EBF3: variants seen among roughly 807,000 people sequenced by gnomAD.
EBF3 encodes EBF transcription factor 3, also known as transcription factor COE3.
Under a neutral mutation model 77.1 loss-of-function variants are expected in EBF3, and 18 were observed. The observed-to-expected ratio is 0.23, with a 90% CI of 0.16 to 0.35. EBF3 has a LOEUF of 0.35. Among genes scored for constraint, EBF3 ranks in the 10% least tolerant of loss-of-function variants. The pLI is 1.00. For missense variants in EBF3, 558 were observed against 860.0 expected, an observed-to-expected ratio of 0.65 and a Z score of 4.39; for synonymous variants, 350 against 343.5, an observed-to-expected ratio of 1.02 and a Z score of -0.21.
chr10:129,838,364 G>A (rs1217343886), intron 16 of EBF3, among the ~76,000 whole-genome samples: 11 of 152,236 alleles, frequency 7.2e-5, no homozygotes, highest in Non-Finnish European at 1.3e-4. Flanking sequence ...CTCCCGTGAC[G>A]CCAGTCAAGG....
At chr10:129,927,392 C>A (rs553211177) in intron 6 of EBF3, among the ~76,000 whole-genome samples, 4 of 152,322 alleles carry the variant, frequency 2.6e-5, no homozygotes, top group Non-Finnish European at 5.9e-5. Context: ...GATCTATATA[C>A]CATCTTCATG....
At chr10:129,957,808 A>G (rs981115591) in intron 5 of EBF3, among the ~76,000 whole-genome samples, 1 of 152,210 alleles carries the variant, frequency 6.6e-6, no homozygotes, top group African/African-American at 2.4e-5. Context: ...ACAAACTTCT[A>G]TTGTTCCTTC....
rs1196523691 is a variant in EBF3, at chr10:129,938,722, T to C, written c.554+18536A>G. On this transcript the variant is annotated intron_variant, in intron 6 of 16. Transcript: ENST00000440978. This position sits in a 1 kb window ranked among gnomAD's most constrained non-coding sequence, Gnocchi z 5.1. Reference sequence around the variant, plus strand: ...AACCGACGAGCACTGCCTTGTGTCCTGGGACCTGGCCTGTGCTCCAAGCAA... The same window carrying C: ...AACCGACGAGCACTGCCTTGTGTCCCGGGACCTGGCCTGTGCTCCAAGCAA... Among the ~76,000 whole-genome samples, 1 of 152,188 alleles carries C rather than the reference T, an allele frequency of 6.6e-6. No individual in the cohort carries two copies. The highest frequency in any genetic ancestry group is 1.5e-5 in the Non-Finnish European group (1 of 68,032).
At chr10:129,924,937 G>T (rs987425316) in intron 6 of EBF3, among the ~76,000 whole-genome samples, 1 of 152,182 alleles carries the variant, frequency 6.6e-6, no homozygotes, top group African/African-American at 2.4e-5. Context: ...GCGCCGAGAT[G>T]ACAGGCATGA....
At position 129,878,839 on chromosome 10, in the gene EBF3, A is replaced by AAAAG. The variant is rs542269217; in HGVS notation, c.555-991_555-990insCTTT. Among the ~76,000 whole-genome samples the AAAAG allele has an allele frequency of 3.5e-4, 52 of 146,936 alleles. 2 individuals carry two copies. In the Middle Eastern group the frequency reaches 0.015, roughly 42 times the overall value. On this transcript the variant is annotated intron_variant, in intron 6 of 16. Coordinates refer to ENST00000440978, the MANE Select transcript of EBF3 (RefSeq NM_001375380.1). ...AATCGGTCTCAAAAAAAAAAAAAAAAAAAAAAATCTAAGAACTGATTGGGA... is the reference window on the plus strand; with the variant it reads ...AATCGGTCTCAAAAAAAAAAAAAAAAAAAGAAAAAAATCTAAGAACTGATTGGGA...
intron 8 of EBF3, among the ~76,000 whole-genome samples, chr10:129,868,329 G>T (rs923727892): frequency 6.6e-6 from 1 of 152,140 alleles, no homozygotes; most frequent in Admixed American, 6.5e-5. Context: ...GCAGCTAATT[G>T]GGTTGGGTTT....
chr10:129,893,885 G>C (rs1854188294), intron 6 of EBF3, among the ~76,000 whole-genome samples: 1 of 152,222 alleles, frequency 6.6e-6, no homozygotes, highest in Non-Finnish European at 1.5e-5. Flanking sequence ...AGACCTGCTG[G>C]CTTCCCTGGT....
At chr10:129,849,132 C>G (rs1220068654) in intron 10 of EBF3, among the ~76,000 whole-genome samples, 1 of 152,208 alleles carries the variant, frequency 6.6e-6, no homozygotes, top group Non-Finnish European at 1.5e-5. Flanking sequence ...AAATCAGCGG[C>G]ACATGCGCTG....
At chr10:129,888,499 T>C (rs924081060) in intron 6 of EBF3, among the ~76,000 whole-genome samples, 3 of 152,262 alleles carry the variant, frequency 2.0e-5, no homozygotes, top group Non-Finnish European at 4.4e-5. Flanking sequence ...CACTGGTGAA[T>C]GGCCATTGTG....
chr10:129,918,303 C>T (rs577652369), intron 6 of EBF3, among the ~76,000 whole-genome samples: 2 of 152,360 alleles, frequency 1.3e-5, no homozygotes, highest in South Asian at 4.1e-4. Flanking sequence ...CAAGACCCCA[C>T]TTCTGTCTCA....
In EBF3 at chr10:129,904,106, G is replaced by T. The variant is rs537043756; in HGVS notation, c.555-26257C>A. ...AGGCAGTTTCCTTTTTTCCTACTTT[G>T]GAATTCATGCCCTTCCACCTAGAAT... On this transcript the variant is annotated intron_variant, in intron 6 of 16. Transcript: ENST00000440978. Among the ~76,000 whole-genome samples the T allele has an allele frequency of 9.2e-5, 14 of 152,196 alleles. No homozygotes were observed. In the East Asian group the frequency reaches 2.7e-3, roughly 29 times the overall value.
intron 6 of EBF3, among the ~76,000 whole-genome samples, chr10:129,939,511 G>C (rs1424945303): frequency 6.6e-6 from 1 of 152,046 alleles, no homozygotes; most frequent in East Asian, 1.9e-4. Context: ...TGGGGTTTTT[G>C]TTTTTGTTTT....
At chr10:129,876,885 A>ACCCCCCCCCCCCC (rs10573399) in intron 7 of EBF3, among the ~76,000 whole-genome samples, 1,379 of 42,440 alleles carry the variant, frequency 0.032, 46 homozygotes, top group Non-Finnish European at 0.04. Flanking sequence ...TCATCCCTGA[A>ACCCCCCCCCCCCC]CCCCCCCCCC....
intron 6 of EBF3, among the ~76,000 whole-genome samples, chr10:129,919,079 C>T (rs1011559378): frequency 6.6e-6 from 1 of 152,162 alleles, no homozygotes; most frequent in East Asian, 1.9e-4. Context: ...TCTCTGTCCC[C>T]GAGGTGCTTG....
chr10:129,898,776 TC>T (rs1304759143), intron 6 of EBF3, among the ~76,000 whole-genome samples: 1 of 152,186 alleles, frequency 6.6e-6, no homozygotes, highest in Non-Finnish European at 1.5e-5. Flanking sequence ...GCCAAGCTGG[TC>T]CCAGCCTCTT....
chr10:129,935,213 T>G lies in EBF3; in HGVS notation c.554+22045A>C, dbSNP rs944121077. On this transcript the variant is annotated intron_variant, in intron 6 of 16. Transcript: ENST00000440978. The surrounding 1 kb of genome is among the most constrained non-coding windows in gnomAD (Gnocchi z 4.2). Reference sequence around the variant, plus strand: ...GAGCTGCTTCTCACAGGGGAGATTCTTGAAGGTCCCACTCGCACCTGTCAC... The same window carrying G: ...GAGCTGCTTCTCACAGGGGAGATTCGTGAAGGTCCCACTCGCACCTGTCAC... Among the ~76,000 whole-genome samples the G allele has an allele frequency of 6.6e-6, 1 of 152,142 alleles. No homozygotes were observed. The highest frequency in any genetic ancestry group is 2.4e-5 in the African/African-American group (1 of 41,430).
At chr10:129,960,895 A>C (rs1176395411) in intron 4 of EBF3, among the ~76,000 whole-genome samples, 1 of 152,180 alleles carries the variant, frequency 6.6e-6, no homozygotes, top group Non-Finnish European at 1.5e-5. Flanking sequence ...CAGCAGCCGG[A>C]GTTCCAGAGG....
rs747471443 is a variant in EBF3, at chr10:129,963,616, G to A, written c.134+19C>T. ...GGCCGGGGCCGGGGCCAGGGCGCGC[G>A]GGGGCGGCCGGTACGTACCTCTGGG... On this transcript the variant is annotated intron_variant, in intron 1 of 16. Transcript: ENST00000440978. This position sits in a 1 kb window ranked among gnomAD's most constrained non-coding sequence, Gnocchi z 7.1. 20 of 1,339,076 alleles carry A rather than the reference G, an allele frequency of 1.5e-5. No individual in the cohort carries two copies. The East Asian group carries it at 6.8e-4, about 45-fold the overall frequency. The allele number at this position is 1,339,076 out of a possible 1,614,324, so 82.9% of individuals were successfully genotyped here.
intron 6 of EBF3, among the ~76,000 whole-genome samples, chr10:129,917,679 A>AAAAAAAAAAAAAAAAAAAAAAAAAAC (rs1564887155): frequency 1.5e-4 from 22 of 142,078 alleles, no homozygotes; most frequent in South Asian, 4.6e-4. Flanking sequence ...AAAAAAAAAA[A>AAAAAAAAAAAAAAAAAAAAAAAAAAC]CTAAAACCAA....
Sources: gnomAD v4.1 joint callset for allele counts (sites outside exome capture counted in the v4.1 genomes callset) on GRCh38, gnomAD v4.1.1 for gene constraint, Gnocchi (gnomAD v3.1) non-coding constraint, MANE v1.5 for transcripts, NCBI Gene and HGNC (gene_info 2026-07-23, HGNC 2026-07-21) for gene names.